Variants in SAMD4A observed in about 807,000 individuals in gnomAD.
The protein encoded by SAMD4A is sterile alpha motif domain containing 4A, also known as protein Smaug homolog 1.
In SAMD4A, 33 loss-of-function variants were observed where a neutral mutation model predicts 81.3. The ratio of observed to expected loss-of-function variants is 0.41; its 90% confidence interval spans 0.31 to 0.54. The LOEUF (loss-of-function observed/expected upper bound fraction) is 0.54. Among genes scored for constraint, SAMD4A ranks in the 20% least tolerant of loss-of-function variants. The pLI is 0.37. For synonymous variants in SAMD4A, 389 were observed against 382.1 expected, an observed-to-expected ratio of 1.02 and a Z score of -0.21; for missense variants, 854 against 951.1, an observed-to-expected ratio of 0.90 and a Z score of 1.34.
At chr14:54,577,893 T>G (rs1225986326) in intron 2 of SAMD4A, among the ~76,000 whole-genome samples, 1 of 152,222 alleles carries the variant, frequency 6.6e-6, no homozygotes, top group African/African-American at 2.4e-5. Flanking sequence ...TCCGTCCATG[T>G]AGAGGGCAGT....
At chr14:54,761,616 T>TCC (rs2139866900) in intron 7 of SAMD4A, among the ~76,000 whole-genome samples, 1 of 152,370 alleles carries the variant, frequency 6.6e-6, no homozygotes, top group South Asian at 2.1e-4. Flanking sequence ...TACAAGATGG[T>TCC]GCCCTGTCTG....
chr14:54,664,775 T>C (rs1022160619), intron 2 of SAMD4A, among the ~76,000 whole-genome samples: 1 of 151,566 alleles, frequency 6.6e-6, no homozygotes, highest in African/African-American at 2.4e-5. Context: ...TCTTTGGCTT[T>C]AAAAAGTTTT....
intron 2 of SAMD4A, among the ~76,000 whole-genome samples, chr14:54,576,266 G>A (rs1248011889): frequency 2.0e-5 from 3 of 152,050 alleles, no homozygotes; most frequent in Non-Finnish European, 4.4e-5. Context: ...TTCTATCTGT[G>A]TATGTGCACC....
At chr14:54,676,078 G>A (rs538885118) in intron 2 of SAMD4A, among the ~76,000 whole-genome samples, 54 of 152,280 alleles carry the variant, frequency 3.5e-4, no homozygotes, top group African/African-American at 1.0e-3. Flanking sequence ...AAGCAAGGCC[G>A]CGACTCAATA....
chr14:54,726,835 A>T (rs2037426801), intron 3 of SAMD4A, among the ~76,000 whole-genome samples: 1 of 152,114 alleles, frequency 6.6e-6, no homozygotes, highest in African/African-American at 2.4e-5. Flanking sequence ...TCTAGGAGAA[A>T]ACTGTGGTAG....
Position 54,792,895 on chromosome 14 carries a change from A to G in SAMD4A, c.*3951A>G, listed in dbSNP as rs1340937662. The G allele has an allele frequency of 6.6e-6, 1 of 152,182 alleles. No individual in the cohort carries two copies. The highest frequency in any genetic ancestry group is 1.5e-5 in the Non-Finnish European group (1 of 68,024). 9.4% of individuals were successfully genotyped at this position (152,182 alleles called of 1,614,324 possible). A position where few individuals can be genotyped will look rare whatever the true frequency, so the allele number is the denominator to read the frequency against. On this transcript the variant is annotated 3_prime_UTR_variant, in exon 13 of 13. Coordinates refer to ENST00000554335, the MANE Select transcript of SAMD4A (RefSeq NM_015589.6). ...ATATAATCCTCATGTATTTATGCCT[A>G]ATGTAAGCTGACTTTTAAAAAGCTT... is the stretch of plus-strand genomic sequence containing the variant.
chr14:54,735,779 A>G (rs942043761), intron 3 of SAMD4A, among the ~76,000 whole-genome samples: 2 of 152,188 alleles, frequency 1.3e-5, no homozygotes, highest in African/African-American at 4.8e-5. Context: ...GGACTGCTCT[A>G]CCAGAAATAT....
At chr14:54,588,158 C>G (rs2033676156) in intron 2 of SAMD4A, among the ~76,000 whole-genome samples, 1 of 151,978 alleles carries the variant, frequency 6.6e-6, no homozygotes, top group Non-Finnish European at 1.5e-5. Flanking sequence ...TCTAGGTTTT[C>G]TAGTTTAAGC....
intron 3 of SAMD4A, among the ~76,000 whole-genome samples, chr14:54,716,836 G>A (rs562189866): frequency 4.6e-4 from 70 of 152,038 alleles, no homozygotes; most frequent in Non-Finnish European, 8.5e-4. Context: ...GGCTTGTGTT[G>A]TTTTTAACAA....
rs1431669401 is a variant in SAMD4A, at chr14:54,741,458, C to T, written c.979+4171C>T. On this transcript the variant is annotated intron_variant, in intron 4 of 12. Transcript: ENST00000554335. ...TGGGAGGAAAGAGCAGGGGAAAAGACTCATTCACAGGTTACTTTTGTCCTC... is the reference window on the plus strand; with the variant it reads ...TGGGAGGAAAGAGCAGGGGAAAAGATTCATTCACAGGTTACTTTTGTCCTC... 2.6e-5 allele frequency among the ~76,000 whole-genome samples: 4 copies of T among 152,334 alleles called. No homozygotes were observed. The East Asian group carries it at 7.7e-4, about 29-fold the overall frequency.
intron 2 of SAMD4A, among the ~76,000 whole-genome samples, chr14:54,595,716 G>A (rs1438417811): frequency 6.6e-6 from 1 of 152,100 alleles, no homozygotes; most frequent in Non-Finnish European, 1.5e-5. Context: ...ACATATTTAA[G>A]TGACAGTTCT....
chr14:54,766,932 G>A (rs560124972), intron 8 of SAMD4A, among the ~76,000 whole-genome samples: 2 of 152,192 alleles, frequency 1.3e-5, no homozygotes, highest in East Asian at 3.9e-4. Context: ...TGGTACCCTG[G>A]CTCTGGTTTT....
intron 2 of SAMD4A, among the ~76,000 whole-genome samples, chr14:54,670,363 A>G (rs188771872): frequency 6.6e-6 from 1 of 152,308 alleles, no homozygotes; most frequent in Non-Finnish European, 1.5e-5. Flanking sequence ...AAACCACGAA[A>G]TCCAGGAAGC....
chr14:54,676,014 T>C (rs1566578746), intron 2 of SAMD4A, among the ~76,000 whole-genome samples: 3 of 152,186 alleles, frequency 2.0e-5, no homozygotes, highest in African/African-American at 7.2e-5. Flanking sequence ...AATCTATTCA[T>C]CTGTGTGTGC....
chr14:54,688,709 G>A (rs557740681), intron 2 of SAMD4A, among the ~76,000 whole-genome samples: 46 of 152,090 alleles, frequency 3.0e-4, no homozygotes, highest in African/African-American at 9.6e-4. Flanking sequence ...ATAGGTCCTT[G>A]CCACTCTTTC....
Position 54,782,654 on chromosome 14 carries a change from C to T in SAMD4A, c.2045-1883C>T, listed in dbSNP as rs1053562. Among the ~76,000 whole-genome samples the T allele has an allele frequency of 7.4e-3, 1,133 of 152,370 alleles. 13 individuals are homozygous for T. Among genetic ancestry groups the T allele is most frequent in the African/African-American group, 0.026 (1,083 of 41,584 alleles). On this transcript the variant is annotated intron_variant, in intron 11 of 12. Transcript: ENST00000554335. Reference sequence around the variant, plus strand: ...ATGCCGGAACATGGGTCAGGAAGAACACAGTCAGCTCTCTGGTGCTTTCCA... The same window carrying T: ...ATGCCGGAACATGGGTCAGGAAGAATACAGTCAGCTCTCTGGTGCTTTCCA...
chr14:54,607,336 T>A (rs1393226054), intron 2 of SAMD4A, among the ~76,000 whole-genome samples: 4 of 151,930 alleles, frequency 2.6e-5, no homozygotes, highest in Non-Finnish European at 5.9e-5. Context: ...TATTGGAAAA[T>A]GCCTCTAGTC....
At position 54,709,043 on chromosome 14, in the gene SAMD4A, C is replaced by G. The variant is rs566264384; in HGVS notation, c.715+6463C>G. On this transcript the variant is annotated intron_variant, in intron 3 of 12. Coordinates refer to ENST00000554335, the MANE Select transcript of SAMD4A (RefSeq NM_015589.6). The stretch of plus-strand genomic sequence containing the variant: ...TGTAATCCCAGCACTTTGGGAGACC[C>G]AGGCAGGCAGATCGCATAAGCTCAG... 1.4e-3 allele frequency among the ~76,000 whole-genome samples: 214 copies of G among 152,174 alleles called. 1 individual carries two copies. Among genetic ancestry groups the G allele is most frequent in the South Asian group, 4.3e-3 (21 of 4,830 alleles).
chr14:54,643,283 G>C (rs2035214920), intron 2 of SAMD4A, among the ~76,000 whole-genome samples: 1 of 152,220 alleles, frequency 6.6e-6, no homozygotes, highest in Non-Finnish European at 1.5e-5. Context: ...AGCTCACTGA[G>C]TAGCCTCATG....
Sources: allele counts gnomAD v4.1 joint callset (sites outside exome capture counted in the v4.1 genomes callset), GRCh38; gene constraint gnomAD v4.1.1; transcripts MANE v1.5; gene names NCBI Gene and HGNC (gene_info 2026-07-23, HGNC 2026-07-21).